Variants in NECAB2 observed in about 807,000 individuals in gnomAD.
The protein encoded by NECAB2 is N-terminal EF-hand calcium binding protein 2.
Under a neutral mutation model 51.9 loss-of-function variants are expected in NECAB2, and 68 were observed. The observed-to-expected ratio is 1.31, with a 90% CI of 1.08 to 1.60. The LOEUF (loss-of-function observed/expected upper bound fraction) is 1.60. Ranked by LOEUF, NECAB2 falls within the 40% of genes most tolerant of loss-of-function variation. NECAB2 has a pLI of 0.00. For synonymous variants in NECAB2, 329 were observed against 203.5 expected (o/e 1.62, Z -5.25); for missense variants, 854 against 490.3 (o/e 1.74, Z -7.00).
intron 6 of NECAB2, among the ~76,000 whole-genome samples, chr16:83,991,526 C>T (rs1351689181): frequency 6.6e-6 from 1 of 151,112 alleles, no homozygotes; most frequent in African/African-American, 2.4e-5. Context: ...ACCAGCACAC[C>T]CAGCTAATTT....
intron 2 of NECAB2, among the ~76,000 whole-genome samples, chr16:83,974,612 C>G (rs1434180954): frequency 6.6e-6 from 1 of 152,166 alleles, no homozygotes; most frequent in Non-Finnish European, 1.5e-5. Context: ...AGTATCAACC[C>G]CCACCCTCCT....
At chr16:83,974,379 G>C (rs371485959) in intron 2 of NECAB2, among the ~76,000 whole-genome samples, 127 of 152,250 alleles carry the variant, frequency 8.3e-4, no homozygotes, top group African/African-American at 3.0e-3. Context: ...TGCTCTCCTG[G>C]CTTCGCTCAT....
rs376093278 is a variant in NECAB2, at chr16:83,980,996, C to T, written c.362-34C>T. On this transcript the variant is annotated intron_variant, in intron 4 of 12. Transcript: ENST00000305202. ...GAGTGCTGAGTGGGAGGGGCAGGAC[C>T]TGTGACCCCTGACCTTTGCCTTTCC... 39 of 1,608,510 alleles carry T rather than the reference C, an allele frequency of 2.4e-5. No homozygotes were observed. The African/African-American group carries it at 3.9e-4, about 16-fold the overall frequency.
At chr16:83,996,018 T>G (rs1397783069) in intron 8 of NECAB2, among the ~76,000 whole-genome samples, 1 of 152,098 alleles carries the variant, frequency 6.6e-6, no homozygotes, top group Non-Finnish European at 1.5e-5. Context: ...TGGGACCAGG[T>G]CCTCCTCCCC....
chr16:83,992,357 C>T (rs546251552), intron 6 of NECAB2, among the ~76,000 whole-genome samples: 23 of 144,612 alleles, frequency 1.6e-4, no homozygotes, highest in African/African-American at 6.0e-4. Flanking sequence ...GTCCCATCTC[C>T]CGGGGAACAC....
intron 10 of NECAB2, among the ~76,000 whole-genome samples, 164 bp from the exon 11 acceptor site, chr16:84,000,560 G>C (rs1480096071): frequency 6.6e-6 from 1 of 152,200 alleles, no homozygotes; most frequent in East Asian, 1.9e-4. Context: ...CTTATTCCCT[G>C]TGCTGGGGTC....
intron 10 of NECAB2, among the ~76,000 whole-genome samples, chr16:83,999,829 G>C (rs73248864): frequency 0.059 from 9,043 of 152,040 alleles, 857 homozygotes; most frequent in African/African-American, 0.21. Context: ...TTAAATGAGA[G>C]GACAAGTAGA....
rs201257179 is a variant in NECAB2 at position 83,981,029 on chromosome 16, G to C, written c.362-1G>C. The C allele has an allele frequency of 1.1e-5, 18 of 1,613,924 alleles. No homozygotes were observed. The highest frequency in any genetic ancestry group is 1.4e-5 in the Non-Finnish European group (17 of 1,179,914). On this transcript the variant is annotated splice_acceptor_variant, in intron 4 of 12. Transcript: ENST00000305202. LOFTEE classifies it high-confidence loss of function. Reference sequence around the variant, plus strand: ...CCTGACCTTTGCCTTTCCTTCCCCAGATTACTTTGTGGACCACATGGGTGA... The same window carrying C: ...CCTGACCTTTGCCTTTCCTTCCCCACATTACTTTGTGGACCACATGGGTGA...
At chr16:83,994,574 C>T in intron 7 of NECAB2, 35 bp from the exon 8 acceptor site, 3 of 1,613,224 alleles carry the variant, frequency 1.9e-6, no homozygotes, top group Non-Finnish European at 2.5e-6. Context: ...GTCCTGCCCA[C>T]CACTGAAGTC....
chr16:83,988,653 T>A lies in NECAB2; in HGVS notation c.460-1841T>A, dbSNP rs185136948. Among the ~76,000 whole-genome samples, 3 of 152,362 alleles carry A rather than the reference T, an allele frequency of 2.0e-5. No homozygotes were observed. The East Asian group carries it at 5.8e-4, about 29-fold the overall frequency. The stretch of plus-strand genomic sequence containing the variant: ...AGCCCAAGTGACTTAGGACAAACTC[T>A]TAAGCATTGTTTGCAGAAAAGGTGC... On this transcript the variant is annotated intron_variant, in intron 5 of 12. Coordinates refer to ENST00000305202, the MANE Select transcript of NECAB2 (RefSeq NM_019065.3).
rs767558792 is a variant in NECAB2, at chr16:83,978,481, C to T, written c.264C>T (p.Phe88=). 4 of 1,613,956 alleles carry T rather than the reference C, an allele frequency of 2.5e-6. No homozygotes were observed. Among genetic ancestry groups the T allele is most frequent in the African/African-American group, 2.7e-5 (2 of 74,888 alleles). The change falls in exon 3 of 13, where the codon TTC becomes TTT. Residue 88 remains phenylalanine (F), a synonymous_variant. Coordinates refer to ENST00000305202, the MANE Select transcript of NECAB2 (RefSeq NM_019065.3). ...TGTCCTTGGAGGAATTCCAGCTCTT[C>T]TTTGCAGATGGCGTCCTTAATGAGA... ...GKLSLEEFQL[F]FADGVLNEKE... is the part of the protein sequence containing the mutation.
At chr16:83,978,346 G>C (rs1349092591) in intron 2 of NECAB2, 98 bp from the exon 3 acceptor site, 2 of 876,850 alleles carry the variant, frequency 2.3e-6, no homozygotes, top group African/African-American at 3.4e-5. Flanking sequence ...TGTTCTGTCA[G>C]TCAGGCCATT....
chr16:83,987,469 A>T (rs2084570611), intron 5 of NECAB2, among the ~76,000 whole-genome samples: 1 of 152,208 alleles, frequency 6.6e-6, no homozygotes, highest in South Asian at 2.1e-4. Context: ...AAATTTAGGG[A>T]GTAAAGTATA....
intron 10 of NECAB2, among the ~76,000 whole-genome samples, chr16:83,999,753 C>T (rs565952600): frequency 9.9e-5 from 15 of 152,270 alleles, no homozygotes; most frequent in Non-Finnish European, 7.4e-5. Flanking sequence ...CTCTGTGGCC[C>T]AGCACCCCCT....
chr16:83,978,487 A>C lies in NECAB2; in HGVS notation c.270A>C (p.Ala90=). ...LSLEEFQLFF[A]DGVLNEKELE... is the part of the protein sequence containing the mutation. ...TGGAGGAATTCCAGCTCTTCTTTGC[A>C]GATGGCGTCCTTAATGAGAAAGAAC... The change falls in exon 3 of 13, where the codon GCA becomes GCC. Residue 90 remains alanine, a synonymous_variant. Transcript: ENST00000305202. 6.2e-7 allele frequency: 1 copy of C among 1,614,066 alleles called. No individual in the cohort carries two copies. The highest frequency in any genetic ancestry group is 8.5e-7 in the Non-Finnish European group (1 of 1,180,006).
At chr16:83,999,707 C>G (rs890558423) in intron 10 of NECAB2, among the ~76,000 whole-genome samples, 7 of 152,016 alleles carry the variant, frequency 4.6e-5, no homozygotes, top group African/African-American at 7.3e-5. Flanking sequence ...CCCCTGGGTC[C>G]CATAGAGCAA....
chr16:83,984,205 C>T (rs2084523642), intron 5 of NECAB2, among the ~76,000 whole-genome samples: 1 of 151,630 alleles, frequency 6.6e-6, no homozygotes, highest in African/African-American at 2.4e-5. Flanking sequence ...TCGTGTTAGC[C>T]AGGATGGTCT....
upstream of NECAB2, among the ~76,000 whole-genome samples, chr16:83,966,732 C>G (rs2084284878): frequency 6.6e-6 from 1 of 152,232 alleles, no homozygotes; most frequent in Non-Finnish European, 1.5e-5. Context: ...CAGTTTCCCG[C>G]CTTTCTTTAA....
chr16:83,998,200 G>C lies in NECAB2; in HGVS notation c.850-5G>C. ...CCCCACACTGACTCCTGCTGTGCCC[G>C]GCAGCACCTGCAGCTGGTCCGGCAG... On this transcript the variant is annotated splice_region_variant and splice_polypyrimidine_tract_variant and intron_variant, in intron 9 of 12. Coordinates refer to ENST00000305202, the MANE Select transcript of NECAB2 (RefSeq NM_019065.3). 2 of 1,607,388 alleles carry C rather than the reference G, an allele frequency of 1.2e-6. No homozygotes were observed. Among genetic ancestry groups the C allele is most frequent in the Non-Finnish European group, 1.7e-6 (2 of 1,179,768 alleles).
Sources: allele counts gnomAD v4.1 joint callset (sites outside exome capture counted in the v4.1 genomes callset), GRCh38; gene constraint gnomAD v4.1.1; transcripts MANE v1.5; gene names NCBI Gene and HGNC (gene_info 2026-07-23, HGNC 2026-07-21).